The following ARHGAP8 variants were observed in gnomAD, a reference collection of about 807,000 sequenced individuals.
ARHGAP8 encodes Rho GTPase activating protein 8.
ARHGAP8 carries 62 observed loss-of-function variants against 46.1 expected under a neutral mutation model. That is an observed-to-expected ratio of 1.34 (90% confidence interval 1.10 to 1.66). The LOEUF (loss-of-function observed/expected upper bound fraction) is 1.66. ARHGAP8 is among the 40% of genes most tolerant of loss of function. The probability of loss-of-function intolerance (pLI) is 0.00; values close to 1 mark genes in which losing one functional copy is unlikely to be tolerated. For synonymous variants in ARHGAP8, 375 were observed against 243.1 expected (o/e 1.54, Z -5.05); for missense variants, 923 against 568.4 (o/e 1.62, Z -6.34).
At position 44,829,348 on chromosome 22, in the gene ARHGAP8, G is replaced by T. The variant is rs1472429380; in HGVS notation, c.596+3755G>T. 3.9e-5 allele frequency among the ~76,000 whole-genome samples: 6 copies of T among 152,034 alleles called. No individual in the cohort carries two copies. The East Asian group carries it at 1.2e-3, about 29-fold the overall frequency. ...CAAGCATAGCTCACAGACTTCGAAAGCCGTCTACCTGAGTGAAGTGTGGGA... is the reference window on the plus strand; with the variant it reads ...CAAGCATAGCTCACAGACTTCGAAATCCGTCTACCTGAGTGAAGTGTGGGA... On this transcript the variant is annotated intron_variant, in intron 7 of 11. Transcript: ENST00000356099.
chr22:44,821,747 G>A (rs1930163076), intron 5 of ARHGAP8, among the ~76,000 whole-genome samples: 1 of 152,230 alleles, frequency 6.6e-6, no homozygotes, highest in African/African-American at 2.4e-5. Context: ...CCCACTTTCA[G>A]ACCCAGGCCC....
intron 2 of ARHGAP8, among the ~76,000 whole-genome samples, chr22:44,793,058 G>A (rs1037782590): frequency 2.6e-5 from 4 of 152,050 alleles, no homozygotes; most frequent in African/African-American, 7.2e-5. Flanking sequence ...TCCTGACCTC[G>A]GGATCCTCCC....
chr22:44,819,492 C>T (rs1017534512), intron 5 of ARHGAP8, among the ~76,000 whole-genome samples: 8 of 152,096 alleles, frequency 5.3e-5, no homozygotes, highest in East Asian at 1.9e-4. Context: ...GCCAATATGG[C>T]GAAACCCTAT....
At chr22:44,861,125 C>A (rs977865796) in intron 11 of ARHGAP8, among the ~76,000 whole-genome samples, 2 of 152,178 alleles carry the variant, frequency 1.3e-5, no homozygotes, top group Non-Finnish European at 2.9e-5. Flanking sequence ...GTGAGAACCA[C>A]CATGCCCGGC....
intron 11 of ARHGAP8, 95 bp from the exon 12 acceptor site, chr22:44,862,180 C>T (rs990367926): frequency 1.9e-5 from 27 of 1,455,380 alleles, no homozygotes; most frequent in African/African-American, 2.8e-5. Context: ...GCTCCTCTCA[C>T]TACACCTACG....
intron 7 of ARHGAP8, among the ~76,000 whole-genome samples, chr22:44,828,825 G>C (rs561151927): frequency 6.6e-6 from 1 of 152,176 alleles, no homozygotes; most frequent in South Asian, 2.1e-4. Flanking sequence ...CCGTTACTGG[G>C]GCTCTGCTGG....
intron 1 of ARHGAP8, among the ~76,000 whole-genome samples, chr22:44,771,127 A>G (rs1467998125): frequency 6.6e-6 from 1 of 151,338 alleles, no homozygotes; most frequent in Non-Finnish European, 1.5e-5. Context: ...AATAGAATTG[A>G]TTTTTGTATA....
At chr22:44,821,202 C>A (rs145688790) in intron 5 of ARHGAP8, among the ~76,000 whole-genome samples, 2 of 151,762 alleles carry the variant, frequency 1.3e-5, no homozygotes, top group East Asian at 1.9e-4. Context: ...GAGGCCAAGG[C>A]GGGCGGATCA....
chr22:44,822,243 C>G, intron 5 of ARHGAP8, 128 bp from the exon 6 acceptor site: 1 of 754,570 alleles, frequency 1.3e-6, no homozygotes, highest in Non-Finnish European at 2.1e-6. Flanking sequence ...GTCGTGTCAG[C>G]GTTTACATTT....
Position 44,862,772 on chromosome 22 carries a change from CG to C in ARHGAP8, c.*180del. The C allele has an allele frequency of 1.3e-6, 1 of 744,770 alleles. No homozygotes were observed. The highest frequency in any genetic ancestry group is 2.0e-6 in the Non-Finnish European group (1 of 489,032). The allele number at this position is 744,770 out of a possible 1,614,324, so 46.1% of individuals were successfully genotyped here. A position where few individuals can be genotyped will look rare whatever the true frequency, so the allele number is the denominator to read the frequency against. On this transcript the variant is annotated 3_prime_UTR_variant, in exon 12 of 12. Transcript: ENST00000356099. The stretch of plus-strand genomic sequence containing the variant: ...TGTCCATGGTTCCTGAGCTGTGGAC[CG>C]GGATAGAATAATGCATTTGTTAGGA...
chr22:44,814,417 T>C (rs1489209654), intron 4 of ARHGAP8, among the ~76,000 whole-genome samples: 3 of 152,194 alleles, frequency 2.0e-5, no homozygotes, highest in Admixed American at 2.0e-4. Flanking sequence ...AGTGAGCGCC[T>C]ATAAACAGGG....
chr22:44,849,749 G>C (rs2070048936), intron 10 of ARHGAP8: 1 of 152,254 alleles, frequency 6.6e-6, no homozygotes, highest in Admixed American at 6.5e-5. Flanking sequence ...GCTGATTTTG[G>C]TGTGAATTCT....
chr22:44,786,612 G>A lies in ARHGAP8; in HGVS notation c.79+6G>A, dbSNP rs1355282025. On this transcript the variant is annotated splice_donor_region_variant and intron_variant, in intron 2 of 11. Transcript: ENST00000356099. ...TGGCATTCTGCAGGTGGCAGGTAGG[G>A]CCCCAGCTGGGCAGTCTGCAGGACC... is the stretch of plus-strand genomic sequence containing the variant. 3 of 1,612,264 alleles carry A rather than the reference G, an allele frequency of 1.9e-6. No individual in the cohort carries two copies. The highest frequency in any genetic ancestry group is 2.5e-6 in the Non-Finnish European group (3 of 1,179,362).
chr22:44,752,907 C>A (rs1047842079), intron 1 of ARHGAP8, among the ~76,000 whole-genome samples: 4 of 151,726 alleles, frequency 2.6e-5, no homozygotes, highest in African/African-American at 9.7e-5. Flanking sequence ...TGTCCTGTTC[C>A]TTCTCACCCC....
chr22:44,760,032 G>T (rs1925008656), intron 1 of ARHGAP8, among the ~76,000 whole-genome samples: 1 of 152,222 alleles, frequency 6.6e-6, no homozygotes, highest in Non-Finnish European at 1.5e-5. Flanking sequence ...CCCTTTCAGG[G>T]TGCTGAAGGT....
At chr22:44,753,165 G>T (rs375368070) in intron 1 of ARHGAP8, among the ~76,000 whole-genome samples, 6 of 152,110 alleles carry the variant, frequency 3.9e-5, no homozygotes, top group African/African-American at 1.2e-4. Context: ...AACTCAGGGG[G>T]TGGGGGGCTG....
At position 44,845,303 on chromosome 22, in the gene ARHGAP8, C is replaced by G. The variant is rs772909625; in HGVS notation, c.631C>G (p.Pro211Ala). 1.2e-5 allele frequency: 20 copies of G among 1,614,036 alleles called. No homozygotes were observed. Among genetic ancestry groups the G allele is most frequent in the Admixed American group, 5.0e-5 (3 of 59,998 alleles). Residue 211 changes from proline (P) to alanine (A), a missense_variant, in exon 8 of 12, where the codon CCT becomes GCT. Transcript: ENST00000356099. Reference protein sequence around the residue: ...KDKNQGELIPPVLRFTVTYLR... With the variant: ...KDKNQGELIPAVLRFTVTYLR... The stretch of plus-strand genomic sequence containing the variant: ...CAAAAATCAAGGCGAACTCATCCCC[C>G]CTGTGCTGAGGTTCACAGTGACGTA...
intron 1 of ARHGAP8, chr22:44,777,261 C>T (rs1295796909): frequency 1.3e-5 from 2 of 152,118 alleles, no homozygotes; most frequent in Non-Finnish European, 2.9e-5. Context: ...GGGGCCAGGG[C>T]TGGGCTCAGA....
At chr22:44,753,032 G>A (rs1924371316) in intron 1 of ARHGAP8, among the ~76,000 whole-genome samples, 1 of 151,600 alleles carries the variant, frequency 6.6e-6, no homozygotes, top group East Asian at 1.9e-4. Context: ...AGGTTAGGTC[G>A]GGTCAGCGCC....
Sources: gnomAD v4.1 joint callset for allele counts (sites outside exome capture counted in the v4.1 genomes callset) on GRCh38, gnomAD v4.1.1 for gene constraint, MANE v1.5 for transcripts, NCBI Gene and HGNC (gene_info 2026-07-23, HGNC 2026-07-21) for gene names.